The following SEMA4D variants were observed in gnomAD, a reference collection of about 807,000 sequenced individuals.
SEMA4D encodes the protein semaphorin 4D, also known as semaphorin-4D.
Under a neutral mutation model 74.8 loss-of-function variants are expected in SEMA4D, and 22 were observed. The ratio of observed to expected loss-of-function variants is 0.29; its 90% CI spans 0.21 to 0.42. SEMA4D has a LOEUF of 0.42. Among genes scored for constraint, SEMA4D ranks in the 10% least tolerant of loss-of-function variants. SEMA4D has a pLI of 1.00. For synonymous variants in SEMA4D, 445 were observed against 463.7 expected, an observed-to-expected ratio of 0.96 and a Z score of 0.52; for missense variants, 937 against 1,118.4, an observed-to-expected ratio of 0.84 and a Z score of 2.31.
intron 1 of SEMA4D, among the ~76,000 whole-genome samples, chr9:89,487,998 T>A (rs1442469514): frequency 6.6e-6 from 1 of 152,218 alleles, no homozygotes; most frequent in Non-Finnish European, 1.5e-5. Context: ...CAAACTGATC[T>A]TAAGTATATA....
chr9:89,438,704 C>T (rs1022337836), intron 2 of SEMA4D, among the ~76,000 whole-genome samples: 7 of 152,060 alleles, frequency 4.6e-5, no homozygotes, highest in East Asian at 1.9e-4. Flanking sequence ...CTCGCTCTGT[C>T]GCCCAGGCTG....
At chr9:89,426,715 C>A (rs1359080545) in intron 2 of SEMA4D, among the ~76,000 whole-genome samples, 1 of 152,192 alleles carries the variant, frequency 6.6e-6, no homozygotes, top group African/African-American at 2.4e-5. Flanking sequence ...CCTCAGAGGC[C>A]ACAAGAACCT....
chr9:89,451,988 G>C (rs1263268354), intron 2 of SEMA4D, among the ~76,000 whole-genome samples: 1 of 152,058 alleles, frequency 6.6e-6, no homozygotes, highest in African/African-American at 2.4e-5. Context: ...ATACTAAGCA[G>C]GGATCCTATG....
chr9:89,363,464 T>C, exon 18 of SEMA4D: 1 of 1,614,016 alleles, frequency 6.2e-7, no homozygotes, highest in Non-Finnish European at 8.5e-7. Context: ...CATCCGGTCG[T>C]GCTCCCCAGC....
At chr9:89,493,957 T>A (rs1048099253) in intron 1 of SEMA4D, among the ~76,000 whole-genome samples, 1 of 152,162 alleles carries the variant, frequency 6.6e-6, no homozygotes, top group East Asian at 1.9e-4. Context: ...GTACTATTAT[T>A]TAATTGTCAG....
At chr9:89,407,835 C>T (rs1383587407) in intron 2 of SEMA4D, among the ~76,000 whole-genome samples, 1 of 152,254 alleles carries the variant, frequency 6.6e-6, no homozygotes, top group Non-Finnish European at 1.5e-5. Context: ...CCTGTCAACA[C>T]CACTTAGAAC....
At position 89,392,544 on chromosome 9, in the gene SEMA4D, G is replaced by A. The variant is rs371598824; in HGVS notation, c.509-8C>T. The A allele has an allele frequency of 3.8e-6, 6 of 1,593,854 alleles. No homozygotes were observed. The South Asian group carries it at 6.6e-5, about 18-fold the overall frequency. On this transcript the variant is annotated splice_region_variant and splice_polypyrimidine_tract_variant and intron_variant, in intron 7 of 15. Coordinates refer to ENST00000422704, the MANE Select transcript of SEMA4D (RefSeq NM_001371194.2). ...CCGAATAAAGTTCTCCATCTGCAGG[G>A]GCCCAGAAGAAAAGAGGAAAAGGGA... is the stretch of plus-strand genomic sequence containing the variant.
At chr9:89,446,902 CGTGCCCCTGTGG>C (rs1489366750) in intron 2 of SEMA4D, among the ~76,000 whole-genome samples, 1 of 152,170 alleles carries the variant, frequency 6.6e-6, no homozygotes, top group East Asian at 1.9e-4. Context: ...CTCAGCTGGG[CGTGCCCCTGTGG>C]GATAGGTGCT....
intron 1 of SEMA4D, among the ~76,000 whole-genome samples, chr9:89,468,279 G>A (rs1175965485): frequency 6.6e-6 from 1 of 152,162 alleles, no homozygotes; most frequent in East Asian, 1.9e-4. Context: ...TTAATTAAGT[G>A]AAGCAAAACT....
chr9:89,457,081 A>T (rs772118477), intron 1 of SEMA4D, among the ~76,000 whole-genome samples: 4 of 152,210 alleles, frequency 2.6e-5, no homozygotes, highest in Non-Finnish European at 4.4e-5. Flanking sequence ...AACTGAAGGG[A>T]AAAGCTGTTC....
intron 2 of SEMA4D, among the ~76,000 whole-genome samples, chr9:89,444,852 G>A (rs1190750291): frequency 2.6e-5 from 4 of 152,004 alleles, no homozygotes; most frequent in African/African-American, 9.7e-5. Flanking sequence ...GCAAAGAAAA[G>A]AATTAGGAAT....
Position 89,391,282 on chromosome 9 carries a change from C to A in SEMA4D, c.756G>T (p.Arg252=), listed in dbSNP as rs760119317. 8 of 1,614,246 alleles carry A rather than the reference C, an allele frequency of 5.0e-6. No individual in the cohort carries two copies. The highest frequency in any genetic ancestry group is 6.8e-6 in the Non-Finnish European group (8 of 1,180,034). The change falls in exon 9 of 16, where the codon CGG becomes CGT. Residue 252 remains arginine, a synonymous_variant. Coordinates refer to ENST00000422704, the MANE Select transcript of SEMA4D (RefSeq NM_001371194.2). The part of the protein sequence containing the change: ...YEFVFRVLIP[R]IARVCKGDQG... ...CACTCACCTTGCACACTCTTGCTAT[C>A]CGTGGGATCAGCACCCTGAACACAA...
rs751271530 is a variant in SEMA4D at position 89,363,428 on chromosome 9, AC to A, written c.2190+1del. 3.7e-6 allele frequency: 6 copies of A among 1,612,064 alleles called. No individual in the cohort carries two copies. The South Asian group carries it at 4.4e-5, about 12-fold the overall frequency. ...TTTCTTTGCCCGGCTGCGGCCACTT[AC>A]CCACGCCTTCCTCCAGCTCTGCATC... On this transcript the variant is annotated splice_donor_variant, in intron 18 of 18. Coordinates refer to the SEMA4D transcript ENST00000339861. LOFTEE classifies it high-confidence loss of function.
At chr9:89,437,909 T>C in intron 2 of SEMA4D, among the ~76,000 whole-genome samples, 1 of 152,146 alleles carries the variant, frequency 6.6e-6, no homozygotes, top group Non-Finnish European at 1.5e-5. Flanking sequence ...AGCAACTCAG[T>C]CCCAAGGATG....
intron 1 of SEMA4D, chr9:89,472,485 G>A (rs567714708): frequency 1.1e-4 from 29 of 265,330 alleles, no homozygotes; most frequent in Non-Finnish European, 1.9e-4. Flanking sequence ...CCTTTTGTAA[G>A]ATTTGTGACA....
Position 89,402,900 on chromosome 9 carries a change from C to T in SEMA4D, c.223G>A (p.Ala75Thr), listed in dbSNP as rs62620228. 4.8e-5 allele frequency: 78 copies of T among 1,613,892 alleles called. No individual in the cohort carries two copies. The highest frequency in any genetic ancestry group is 3.3e-4 in the Middle Eastern group (2 of 6,082). The change falls in exon 4 of 16, where the codon GCA becomes ACA. Residue 75 changes from alanine to threonine, a missense_variant. By Grantham distance (58) the Ala-to-Thr change is moderately conservative. Coordinates refer to ENST00000422704, the MANE Select transcript of SEMA4D (RefSeq NM_001371194.2). ...GAREAVFAVN[A>T]LNISEKQHEV... is the part of the protein sequence containing the mutation. ...TGCTGCTTCTCGGAGATGTTGAGTG[C>T]GTTCACAGCGAAGACCGCCTCCCGG...
At chr9:89,431,529 AC>A (rs796123547) in intron 2 of SEMA4D, among the ~76,000 whole-genome samples, 5 of 152,264 alleles carry the variant, frequency 3.3e-5, no homozygotes, top group African/African-American at 1.2e-4. Context: ...ACAGGGTCTC[AC>A]CCTGTCACTA....
At position 89,460,922 on chromosome 9, in the gene SEMA4D, C is replaced by T. The variant is rs563762988; in HGVS notation, c.-309-4969G>A. On this transcript the variant is annotated intron_variant, in intron 1 of 15. Transcript: ENST00000422704. ...CCACCACATATGCCGAAGGGGAGGACGGAGAAGGCGACCTGCTGTTCCCCA... is the reference window on the plus strand; with the variant it reads ...CCACCACATATGCCGAAGGGGAGGATGGAGAAGGCGACCTGCTGTTCCCCA... Among the ~76,000 whole-genome samples, 119 of 152,256 alleles carry T rather than the reference C, an allele frequency of 7.8e-4. 1 individual carries two copies. Among genetic ancestry groups the T allele is most frequent in the Middle Eastern group, 3.4e-3 (1 of 294 alleles).
intron 2 of SEMA4D, among the ~76,000 whole-genome samples, chr9:89,428,545 T>A (rs1280097968): frequency 6.6e-6 from 1 of 152,042 alleles, no homozygotes; most frequent in Non-Finnish European, 1.5e-5. Context: ...GGCCCCTTCA[T>A]CACAGGCAGG....
Sources: gnomAD v4.1 joint callset for allele counts (sites outside exome capture counted in the v4.1 genomes callset) on GRCh38, gnomAD v4.1.1 for gene constraint, MANE v1.5 for transcripts, NCBI Gene and HGNC (gene_info 2026-07-23, HGNC 2026-07-21) for gene names.